PREX1: variants seen among roughly 807,000 people sequenced by gnomAD.
The protein encoded by PREX1 is phosphatidylinositol 3,4,5-trisphosphate-dependent Rac exchanger 1 protein.
PREX1 carries 41 observed loss-of-function variants against 198.3 expected under a neutral mutation model. That is an observed-to-expected ratio of 0.21 (90% CI 0.16 to 0.27). The LOEUF (loss-of-function observed/expected upper bound fraction) is 0.27. PREX1 is among the 10% of genes least tolerant of loss of function. PREX1 has a pLI of 1.00. For missense variants in PREX1, 1,620 were observed against 2,200.7 expected, an observed-to-expected ratio of 0.74 and a Z score of 5.28; for synonymous variants, 843 against 887.2, an observed-to-expected ratio of 0.95 and a Z score of 0.89.
At position 48,812,682 on chromosome 20, in the gene PREX1, C is replaced by T. The variant is rs1387584856; in HGVS notation, c.219+14960G>A. Among the ~76,000 whole-genome samples, 4 of 152,102 alleles carry T rather than the reference C, an allele frequency of 2.6e-5. No individual in the cohort carries two copies. In the East Asian group the frequency reaches 7.7e-4, roughly 29 times the overall value. ...TTCCCCCCTCAATCTAAGAAGAGGG[C>T]ACTATTTTAGGAGATGAGGAAACCG... is the stretch of plus-strand genomic sequence containing the variant. On this transcript the variant is annotated intron_variant, in intron 1 of 39. Transcript: ENST00000371941.
In PREX1 at chr20:48,649,589, A is replaced by AAG; in HGVS notation, c.3029-15_3029-14dup. The AAG allele has an allele frequency of 1.3e-6, 2 of 1,567,616 alleles. No individual in the cohort carries two copies. Among genetic ancestry groups the AAG allele is most frequent in the Non-Finnish European group, 1.7e-6 (2 of 1,153,886 alleles). ...GGGTTCAGGTGGCCTGCAGTGGAGGAAGAGAGAGCTCACTGGAAAACAGCC... is the reference window on the plus strand; with the variant it reads ...GGGTTCAGGTGGCCTGCAGTGGAGGAAGAGAGAGAGCTCACTGGAAAACAGCC... On this transcript the variant is annotated splice_polypyrimidine_tract_variant and intron_variant, in intron 24 of 39. Transcript: ENST00000371941.
chr20:48,651,256 G>A (rs762007886), intron 22 of PREX1, 140 bp downstream of exon 22: 2 of 1,346,922 alleles, frequency 1.5e-6, no homozygotes, highest in East Asian at 2.5e-5. Context: ...GTGGGACAAG[G>A]ACCAGAATTC....
chr20:48,870,189 T>C, the PREX1 span, among the ~76,000 whole-genome samples: 1 of 152,350 alleles, frequency 6.6e-6, no homozygotes, highest in South Asian at 2.1e-4. Flanking sequence ...GATCCATTCC[T>C]GCAGCCATGT....
chr20:48,805,909 C>A (rs2090409790), intron 1 of PREX1, among the ~76,000 whole-genome samples: 1 of 152,234 alleles, frequency 6.6e-6, no homozygotes, highest in Admixed American at 6.5e-5. Flanking sequence ...TACAGAAACA[C>A]TTCCATCATC....
At position 48,726,351 on chromosome 20, in the gene PREX1, G is replaced by C; in HGVS notation, c.560C>G (p.Pro187Arg). 6.2e-7 allele frequency: 1 copy of C among 1,613,948 alleles called. No individual in the cohort carries two copies. The highest frequency in any genetic ancestry group is 2.2e-5 in the East Asian group (1 of 44,886). Residue 187 changes from proline to arginine, a missense_variant, in exon 5 of 40, where the codon CCT becomes CGT. By Grantham distance (103) the Pro-to-Arg change is moderately radical (BLOSUM62 -2). Transcript: ENST00000371941. ...LLGGRKTTDI[P>R]LEGYLLSPIQ... ...CGGAGACAACAGGTAGCCTTCCAAA[G>C]GGATGTCCGTGGTCTTCCGGCCTCC...
the PREX1 span, among the ~76,000 whole-genome samples, chr20:48,883,077 C>A: frequency 3.3e-5 from 5 of 151,902 alleles, no homozygotes; most frequent in African/African-American, 1.2e-4. Flanking sequence ...GAATTACAGG[C>A]ACATGCCACC....
intron 35 of PREX1, 65 bp from the exon 36 acceptor site, chr20:48,630,859 G>A: frequency 8.0e-7 from 1 of 1,254,568 alleles, no homozygotes; most frequent in Non-Finnish European, 1.2e-6. Flanking sequence ...CCCCTACCCA[G>A]GTCTCAACTC....
chr20:48,784,940 T>C (rs1253499594), intron 1 of PREX1, among the ~76,000 whole-genome samples: 1 of 151,754 alleles, frequency 6.6e-6, no homozygotes, highest in African/African-American at 2.4e-5. Flanking sequence ...TGAGACCGAG[T>C]TTCGCTCTTG....
chr20:48,804,194 A>C (rs1241077364), intron 1 of PREX1, among the ~76,000 whole-genome samples: 2 of 152,360 alleles, frequency 1.3e-5, no homozygotes, highest in Admixed American at 1.3e-4. Context: ...CTAAGCACCC[A>C]CTATGTGCCA....
intron 1 of PREX1, among the ~76,000 whole-genome samples, chr20:48,795,519 C>T (rs999846717): frequency 3.3e-5 from 5 of 151,644 alleles, no homozygotes; most frequent in African/African-American, 9.7e-5. Flanking sequence ...AGGGACGCTC[C>T]TAAACATTCT....
intron 5 of PREX1, among the ~76,000 whole-genome samples, chr20:48,715,890 C>G (rs2089960289): frequency 6.6e-6 from 1 of 152,162 alleles, no homozygotes; most frequent in Non-Finnish European, 1.5e-5. Context: ...TCATCCCACT[C>G]TATATATAAG....
chr20:48,860,561 T>C, the PREX1 span, among the ~76,000 whole-genome samples: 1 of 152,156 alleles, frequency 6.6e-6, no homozygotes, highest in Non-Finnish European at 1.5e-5. Context: ...AAAAATTCCT[T>C]AAAAGGCCAG....
Position 48,808,922 on chromosome 20 carries a change from T to C in PREX1, c.219+18720A>G, listed in dbSNP as rs1012846713. 3.3e-5 allele frequency among the ~76,000 whole-genome samples: 5 copies of C among 152,300 alleles called. No individual in the cohort carries two copies. In the South Asian group the frequency reaches 8.3e-4, roughly 25 times the overall value. On this transcript the variant is annotated intron_variant, in intron 1 of 39. Coordinates refer to ENST00000371941, the MANE Select transcript of PREX1 (RefSeq NM_020820.4). ...TTACACCCCTAGAAGGGGCAGAGCC[T>C]GGATTCAGGGAAGACAAAATGCACA... is the stretch of plus-strand genomic sequence containing the variant.
rs187503085 is a variant in PREX1, at chr20:48,715,886, C to T, written c.622-7465G>A. Among the ~76,000 whole-genome samples the T allele has an allele frequency of 2.1e-3, 315 of 152,204 alleles. 2 individuals carry two copies. Among genetic ancestry groups the T allele is most frequent in the African/African-American group, 7.3e-3 (302 of 41,518 alleles). ...AGTGAGGTGGGTACTATTATCATCCCACTCTATATATAAGGAAACTGAGGC... is the reference window on the plus strand; with the variant it reads ...AGTGAGGTGGGTACTATTATCATCCTACTCTATATATAAGGAAACTGAGGC... On this transcript the variant is annotated intron_variant, in intron 5 of 39. Transcript: ENST00000371941.
intron 5 of PREX1, among the ~76,000 whole-genome samples, chr20:48,721,643 C>T (rs1601096437): frequency 6.6e-6 from 1 of 152,196 alleles, no homozygotes; most frequent in Non-Finnish European, 1.5e-5. Context: ...GGACCTTACT[C>T]GGAGTGAGCA....
chr20:48,747,704 G>A (rs1470153475), intron 2 of PREX1, 105 bp downstream of exon 2: 11 of 1,289,560 alleles, frequency 8.5e-6, no homozygotes, highest in South Asian at 2.6e-5. Flanking sequence ...GCCAGCGGGT[G>A]ATGCGCCTCC....
intron 16 of PREX1, among the ~76,000 whole-genome samples, chr20:48,658,753 T>C (rs891439927): frequency 1.3e-5 from 2 of 152,044 alleles, no homozygotes; most frequent in African/African-American, 2.4e-5. Context: ...GTGTACGTAG[T>C]TGGAATTAAA....
At chr20:48,685,752 A>G (rs2089780159) in intron 10 of PREX1, among the ~76,000 whole-genome samples, 1 of 152,172 alleles carries the variant, frequency 6.6e-6, no homozygotes, top group Non-Finnish European at 1.5e-5. Flanking sequence ...TTAGCTATAG[A>G]AGCCTAGCAC....
chr20:48,745,588 T>C (rs2090103897), intron 2 of PREX1, among the ~76,000 whole-genome samples: 2 of 152,216 alleles, frequency 1.3e-5, no homozygotes, highest in Non-Finnish European at 2.9e-5. Context: ...TACAAGTATA[T>C]TTCCATGCAC....
Sources: allele counts gnomAD v4.1 joint callset (sites outside exome capture counted in the v4.1 genomes callset), GRCh38; gene constraint gnomAD v4.1.1; transcripts MANE v1.5; gene names NCBI Gene and HGNC (gene_info 2026-07-23, HGNC 2026-07-21).